The following SMOC2 variants were observed in gnomAD, a reference collection of about 807,000 sequenced individuals.
SMOC2 encodes SPARC related modular calcium binding 2, also known as SPARC-related modular calcium-binding protein 2.
In SMOC2, 39 loss-of-function variants were observed where a neutral mutation model predicts 61.4. The ratio of observed to expected loss-of-function variants is 0.64; its 90% CI spans 0.49 to 0.83. SMOC2 has a LOEUF of 0.83. SMOC2 is among the 40% of genes least tolerant of loss of function. The pLI is 0.00. For synonymous variants in SMOC2, 247 were observed against 239.9 expected (o/e 1.03, Z -0.27); for missense variants, 556 against 592.9 (o/e 0.94, Z 0.65).
intron 7 of SMOC2, among the ~76,000 whole-genome samples, 183 bp from the exon 8 acceptor site, chr6:168,598,634 CG>C (rs1785389354): frequency 6.6e-6 from 1 of 152,156 alleles, no homozygotes; most frequent in Non-Finnish European, 1.5e-5. Context: ...TGCGAGGCTG[CG>C]GGAACTGGAG....
chr6:168,585,869 T>G (rs1414311542), intron 7 of SMOC2, among the ~76,000 whole-genome samples: 2 of 152,272 alleles, frequency 1.3e-5, no homozygotes, highest in Non-Finnish European at 2.9e-5. Context: ...TGGTGTTGAT[T>G]TGCAGACGTT....
At chr6:168,639,933 T>A (rs1217683428) in intron 9 of SMOC2, among the ~76,000 whole-genome samples, 1 of 152,244 alleles carries the variant, frequency 6.6e-6, no homozygotes, top group African/African-American at 2.4e-5. Flanking sequence ...TCGGTTCATG[T>A]GCAGATCTCT....
At chr6:168,484,584 C>T (rs1402755832) in intron 1 of SMOC2, among the ~76,000 whole-genome samples, 1 of 152,170 alleles carries the variant, frequency 6.6e-6, no homozygotes, top group Non-Finnish European at 1.5e-5. Context: ...AGCAATTCCA[C>T]TTCTGATTAT....
chr6:168,663,926 A>T lies in SMOC2; in HGVS notation c.1286-148A>T, dbSNP rs1787586002. ...AATCCCTTCTGGATACTGAGGAATG[A>T]CTGTATGTGGTTTTTTTCATATAAA... On this transcript the variant is annotated intron_variant, in intron 11 of 12. Coordinates refer to ENST00000356284, the MANE Select transcript of SMOC2 (RefSeq NM_001166412.2). 4 of 632,284 alleles carry T rather than the reference A, an allele frequency of 6.3e-6. No individual in the cohort carries two copies. The Admixed American group carries it at 1.2e-4, about 18-fold the overall frequency. The allele number at this position is 632,284 out of a possible 1,614,324, so 39.2% of individuals were successfully genotyped here.
chr6:168,564,329 G>A (rs1345405740), intron 7 of SMOC2, among the ~76,000 whole-genome samples: 1 of 152,040 alleles, frequency 6.6e-6, no homozygotes, highest in African/African-American at 2.4e-5. Context: ...GCCTGTGTGT[G>A]TTTATACACC....
chr6:168,480,280 C>G (rs563033936), intron 1 of SMOC2, among the ~76,000 whole-genome samples: 1 of 152,154 alleles, frequency 6.6e-6, no homozygotes, highest in East Asian at 1.9e-4. Context: ...GAAAACTGTC[C>G]TTGAAAAAGA....
chr6:168,486,981 C>T (rs913732683), intron 1 of SMOC2, among the ~76,000 whole-genome samples: 12 of 152,160 alleles, frequency 7.9e-5, no homozygotes, highest in Non-Finnish European at 1.0e-4. Flanking sequence ...TTAGAAGGGC[C>T]TTTGCAACCT....
At chr6:168,448,884 C>T (rs1781397052) in intron 1 of SMOC2, among the ~76,000 whole-genome samples, 1 of 152,064 alleles carries the variant, frequency 6.6e-6, no homozygotes, top group Non-Finnish European at 1.5e-5. Context: ...GTTGATATTA[C>T]CTCAATGGGG....
chr6:168,539,644 C>T (rs538820359), intron 4 of SMOC2, among the ~76,000 whole-genome samples: 20 of 152,368 alleles, frequency 1.3e-4, no homozygotes, highest in South Asian at 4.1e-4. Flanking sequence ...GGGGACAGAA[C>T]GCTCCTAACA....
chr6:168,619,722 C>G (rs935172258), intron 9 of SMOC2, among the ~76,000 whole-genome samples: 4 of 152,218 alleles, frequency 2.6e-5, no homozygotes, highest in Admixed American at 1.3e-4. Flanking sequence ...CGTGGTACTC[C>G]TGAAAGCGCC....
intron 2 of SMOC2, among the ~76,000 whole-genome samples, chr6:168,510,475 A>C (rs1212890369): frequency 6.6e-6 from 1 of 152,194 alleles, no homozygotes; most frequent in African/African-American, 2.4e-5. Context: ...TTATACTCTC[A>C]ATTTTCCCAA....
intron 8 of SMOC2, among the ~76,000 whole-genome samples, chr6:168,601,686 A>G (rs2115191793): frequency 6.6e-6 from 1 of 152,244 alleles, no homozygotes; most frequent in South Asian, 2.1e-4. Flanking sequence ...ATGCTGTTTT[A>G]CACACGCCAA....
At chr6:168,633,210 T>A (rs1786616063) in intron 9 of SMOC2, among the ~76,000 whole-genome samples, 1 of 152,246 alleles carries the variant, frequency 6.6e-6, no homozygotes, top group East Asian at 1.9e-4. Flanking sequence ...AGATAATCAT[T>A]TGAACCTTGA....
rs947882321 is a variant in SMOC2 at position 168,452,916 on chromosome 6, T to C, written c.84+11462T>C. Among the ~76,000 whole-genome samples, 5 of 152,214 alleles carry C rather than the reference T, an allele frequency of 3.3e-5. No individual in the cohort carries two copies. Among genetic ancestry groups the C allele is most frequent in the African/African-American group, 1.2e-4 (5 of 41,474 alleles). ...TCCCAGGCCACACTCTGTCAATTTC[T>C]GGGGCTTCCTCTGGGCTCCACGCAG... On this transcript the variant is annotated intron_variant, in intron 1 of 12. Coordinates refer to ENST00000356284, the MANE Select transcript of SMOC2 (RefSeq NM_001166412.2). The surrounding 1 kb of genome is among the most constrained non-coding windows in gnomAD (Gnocchi z 5.0).
At chr6:168,622,438 C>G (rs1786271041) in intron 9 of SMOC2, among the ~76,000 whole-genome samples, 1 of 151,976 alleles carries the variant, frequency 6.6e-6, no homozygotes, top group Non-Finnish European at 1.5e-5. Flanking sequence ...CAAGGATAGT[C>G]CTGTGCCTCT....
intron 1 of SMOC2, among the ~76,000 whole-genome samples, chr6:168,477,092 C>T (rs888894902): frequency 1.3e-5 from 2 of 152,198 alleles, no homozygotes; most frequent in Admixed American, 6.5e-5. Context: ...AAGCTGCAGT[C>T]GATGTAGTTT....
chr6:168,631,725 G>T (rs557380311), intron 9 of SMOC2, among the ~76,000 whole-genome samples: 49 of 146,802 alleles, frequency 3.3e-4, no homozygotes, highest in Non-Finnish European at 6.2e-4. Flanking sequence ...CGTGTTTCTG[G>T]TTGGTTGTGT....
chr6:168,483,885 T>C (rs1782268896), intron 1 of SMOC2, among the ~76,000 whole-genome samples: 1 of 152,164 alleles, frequency 6.6e-6, no homozygotes, highest in Non-Finnish European at 1.5e-5. Flanking sequence ...ACCAGGTATC[T>C]ATATGCAAAA....
chr6:168,542,005 A>G (rs1783886650), intron 4 of SMOC2, among the ~76,000 whole-genome samples: 1 of 152,276 alleles, frequency 6.6e-6, no homozygotes, highest in African/African-American at 2.4e-5. Context: ...CTCATGAAAG[A>G]TATTCTAATT....
Sources: gnomAD v4.1 joint callset for allele counts (sites outside exome capture counted in the v4.1 genomes callset) on GRCh38, gnomAD v4.1.1 for gene constraint, Gnocchi (gnomAD v3.1) non-coding constraint, MANE v1.5 for transcripts, NCBI Gene and HGNC (gene_info 2026-07-23, HGNC 2026-07-21) for gene names.